The following ZNF813 variants were observed in gnomAD, a reference collection of about 807,000 sequenced individuals.
ZNF813 encodes the protein zinc finger protein 813.
Under a neutral mutation model 7.2 loss-of-function variants are expected in ZNF813, and 3 were observed. The ratio of observed to expected loss-of-function variants is 0.42; its 90% CI spans 0.19 to 1.08. ZNF813 has a LOEUF of 1.08. Among genes scored for constraint, ZNF813 ranks in the 50% least tolerant of loss-of-function variants. The pLI, the probability that ZNF813 is intolerant of heterozygous loss-of-function variation, is 0.30. For synonymous variants in ZNF813, 227 were observed against 256.3 expected (o/e 0.89, Z 1.09); for missense variants, 714 against 753.3 (o/e 0.95, Z 0.61).
chr19:53,470,190 A>T (rs35756773), intron 1 of ZNF813, among the ~76,000 whole-genome samples: 47,562 of 106,962 alleles, frequency 0.44, 8,699 homozygotes, highest in African/African-American at 0.54. Context: ...TCTTTCTTTC[A>T]CTCTTGTTCT....
At position 53,491,332 on chromosome 19, in the gene ZNF813, A is replaced by G. The variant is rs2086460447; in HGVS notation, c.1100A>G (p.Lys367Arg). 1 of 1,612,662 alleles carries G rather than the reference A, an allele frequency of 6.2e-7. No homozygotes were observed. Among genetic ancestry groups the G allele is most frequent in the African/African-American group, 1.3e-5 (1 of 74,742 alleles). Reference protein sequence around the residue: ...CNECGKTFSRKSSLTCHHRLH... With the variant: ...CNECGKTFSRRSSLTCHHRLH... ...GAGTGTGGCAAGACCTTTAGTCGGA[A>G]GTCATCCCTTACATGCCATCATAGA... Residue 367 changes from lysine to arginine, a missense_variant, in exon 4 of 4, where the codon AAG (lysine) becomes AGG (arginine). Lys to Arg is a conservative substitution (Grantham distance 26). Around this residue, in one of 3 missense-constraint regions of ZNF813, gnomAD observed 563 missense variants for 554.2 expected, o/e 1.02. Coordinates refer to ENST00000396403, the MANE Select transcript of ZNF813 (RefSeq NM_001004301.4).
chr19:53,480,294 G>A (rs1334670833), intron 1 of ZNF813: 1 of 715,644 alleles, frequency 1.4e-6, no homozygotes, highest in Non-Finnish European at 2.6e-6. Context: ...GCTAGAGGCT[G>A]AGAACCTTTG....
intron 3 of ZNF813, among the ~76,000 whole-genome samples, 178 bp downstream of exon 3, chr19:53,486,936 A>G (rs12974854): frequency 0.47 from 69,936 of 150,152 alleles, 16,386 homozygotes; most frequent in Admixed American, 0.52. Context: ...AGCCTCCCCC[A>G]GTAGCTGGTA....
chr19:53,492,549 G>T lies in ZNF813; in HGVS notation c.*463G>T. 1 of 541,458 alleles carries T rather than the reference G, an allele frequency of 1.8e-6. No homozygotes were observed. The highest frequency in any genetic ancestry group is 3.5e-6 in the Non-Finnish European group (1 of 285,012). The allele number at this position is 541,458 out of a possible 1,614,324, so 33.5% of individuals were successfully genotyped here. A position where few individuals can be genotyped will look rare whatever the true frequency, so the allele number is the denominator to read the frequency against. On this transcript the variant is annotated 3_prime_UTR_variant, in exon 4 of 4. Coordinates refer to ENST00000396403, the MANE Select transcript of ZNF813 (RefSeq NM_001004301.4). ...TATACTGGAGAGAAACCTTACAAGT[G>T]TAATGAGTCTGGCAAAGCCTTAATG...
chr19:53,489,272 G>A (rs1193914359), intron 3 of ZNF813, among the ~76,000 whole-genome samples: 1 of 152,142 alleles, frequency 6.6e-6, no homozygotes, highest in East Asian at 1.9e-4. Flanking sequence ...CTCCCAAAGT[G>A]CTAGGATTAC....
rs138915403 is a variant in ZNF813, at chr19:53,490,973, A to G, written c.741A>G (p.Val247=). The stretch of plus-strand genomic sequence containing the variant: ...GAGAGAAACAATATAAATGTGATGT[A>G]TGTGGCAAGGTCTTTAATCGGAAGC... ...HLGEKQYKCD[V]CGKVFNRKRN... Residue 247 remains valine (V), a synonymous_variant, in exon 4 of 4, where the codon GTA becomes GTG. Transcript: ENST00000396403. The G allele has an allele frequency of 9.7e-5, 156 of 1,614,206 alleles. No homozygotes were observed. The African/African-American group carries it at 1.4e-3, about 15-fold the overall frequency.
chr19:53,478,765 G>A (rs117025870), intron 1 of ZNF813, among the ~76,000 whole-genome samples: 3,573 of 152,026 alleles, frequency 0.024, 63 homozygotes, highest in Middle Eastern at 0.048. Context: ...GTGGCAGAGC[G>A]AGTCTCCATC....
intron 1 of ZNF813, among the ~76,000 whole-genome samples, chr19:53,477,893 C>T (rs2086389362): frequency 6.6e-6 from 1 of 152,094 alleles, no homozygotes; most frequent in Admixed American, 6.6e-5. Flanking sequence ...TTACTTGTGA[C>T]ATGTTGACTT....
intron 1 of ZNF813, among the ~76,000 whole-genome samples, chr19:53,474,204 A>G (rs997162279): frequency 1.2e-4 from 18 of 152,206 alleles, no homozygotes; most frequent in African/African-American, 4.3e-4. Flanking sequence ...AAGCACTAGC[A>G]TATACCGACA....
At chr19:53,481,031 G>C (rs2086405782) in intron 1 of ZNF813, among the ~76,000 whole-genome samples, 1 of 152,154 alleles carries the variant, frequency 6.6e-6, no homozygotes, top group Non-Finnish European at 1.5e-5. Context: ...TGTGGGGGTT[G>C]GTAGGAAGTG....
In ZNF813 at chr19:53,495,839, C is replaced by T. The variant is rs1256674565; in HGVS notation, c.*3753C>T. The T allele has an allele frequency of 5.8e-6, 1 of 173,792 alleles. No homozygotes were observed. Among genetic ancestry groups the T allele is most frequent in the East Asian group, 1.6e-4 (1 of 6,298 alleles). 10.8% of individuals were successfully genotyped at this position (173,792 alleles called of 1,614,324 possible). A position where few individuals can be genotyped will look rare whatever the true frequency, so the allele number is the denominator to read the frequency against. On this transcript the variant is annotated 3_prime_UTR_variant, in exon 4 of 4. Transcript: ENST00000396403. ...AAATAAAATATGTCAAGCCCCTTCT[C>T]TTCCTGTCTCCTCTCGTGGTGTGTA...
At chr19:53,470,183 T>C (rs2086351220) in intron 1 of ZNF813, among the ~76,000 whole-genome samples, 1 of 131,314 alleles carries the variant, frequency 7.6e-6, no homozygotes. Context: ...CTTTCTTTCT[T>C]TCTTTCACTC....
In ZNF813 at chr19:53,482,712, G is replaced by GTT. The variant is rs869250512; in HGVS notation, c.-73-1012_-73-1011dup. ...ATCAATCACATCAGGAATGCTTTTT[G>GTT]TTTTTTTTTTTTTTTTTTTTTTTTT... On this transcript the variant is annotated intron_variant, in intron 1 of 3. Coordinates refer to ENST00000396403, the MANE Select transcript of ZNF813 (RefSeq NM_001004301.4). 5.7e-3 allele frequency among the ~76,000 whole-genome samples: 506 copies of GTT among 89,062 alleles called. 59 individuals are homozygous for GTT. The highest frequency in any genetic ancestry group is 0.011 in the African/African-American group (233 of 21,444). The allele number at this position is 89,062 out of a possible 152,430, so 58.4% of individuals were successfully genotyped here. A position where few individuals can be genotyped will look rare whatever the true frequency, so the allele number is the denominator to read the frequency against.
chr19:53,471,809 C>CAAA (rs57761931), intron 1 of ZNF813, among the ~76,000 whole-genome samples: 22,048 of 120,794 alleles, frequency 0.18, 2,263 homozygotes, highest in South Asian at 0.24. Context: ...GAGACTGTCT[C>CAAA]AAAAAAAAAA....
Position 53,478,733 on chromosome 19 carries a change from G to C in ZNF813, c.-73-5017G>C, listed in dbSNP as rs375505661. Among the ~76,000 whole-genome samples the C allele has an allele frequency of 2.6e-4, 39 of 152,248 alleles. No individual in the cohort carries two copies. The East Asian group carries it at 7.3e-3, about 29-fold the overall frequency. On this transcript the variant is annotated intron_variant, in intron 1 of 3. Transcript: ENST00000396403. ...GTAGAGGTTGCAATGAGCCGAAATT[G>C]TGCCAGTGCACTGCAGTCTGGGTGG...
rs896038837 is a variant in ZNF813, at chr19:53,493,887, A to G, written c.*1801A>G. 2.0e-5 allele frequency: 3 copies of G among 152,326 alleles called. No individual in the cohort carries two copies. Among genetic ancestry groups the G allele is most frequent in the African/African-American group, 7.2e-5 (3 of 41,456 alleles). 9.4% of individuals were successfully genotyped at this position (152,326 alleles called of 1,614,324 possible). On this transcript the variant is annotated 3_prime_UTR_variant, in exon 4 of 4. Transcript: ENST00000396403. ...TGAGATCCTACAGGAAAATCATTCC[A>G]TGTTCCCTGCTTCGTTATCTACTCG... is the stretch of plus-strand genomic sequence containing the variant.
intron 1 of ZNF813, among the ~76,000 whole-genome samples, chr19:53,472,479 G>T (rs2086364056): frequency 6.6e-6 from 1 of 151,860 alleles, no homozygotes; most frequent in Non-Finnish European, 1.5e-5. Flanking sequence ...GTTTAAGAGG[G>T]AACTTTCTTT....
In ZNF813 at chr19:53,482,659, C is replaced by G. The variant is rs1224329625; in HGVS notation, c.-73-1091C>G. ...GTTCCCTCTGCCCGTCAGTCTCTAT[C>G]ACGTTACTCAGGTTCTATTATCTCT... is the stretch of plus-strand genomic sequence containing the variant. On this transcript the variant is annotated intron_variant, in intron 1 of 3. Transcript: ENST00000396403. 2.0e-5 allele frequency among the ~76,000 whole-genome samples: 3 copies of G among 147,280 alleles called. No individual in the cohort carries two copies. In the East Asian group the frequency reaches 6.4e-4, roughly 32 times the overall value.
At chr19:53,488,012 G>A (rs1600114197) in intron 3 of ZNF813, among the ~76,000 whole-genome samples, 1 of 152,126 alleles carries the variant, frequency 6.6e-6, no homozygotes, top group African/African-American at 2.4e-5. Flanking sequence ...ACTTTTATTT[G>A]CCTATTCATT....
Sources: gnomAD v4.1 joint callset for allele counts (sites outside exome capture counted in the v4.1 genomes callset) on GRCh38, gnomAD v4.1.1 for gene constraint, gnomAD v4.1.1 regional missense constraint, MANE v1.5 for transcripts, NCBI Gene and HGNC (gene_info 2026-07-23, HGNC 2026-07-21) for gene names.